ANKFN1: variants seen among roughly 807,000 people sequenced by gnomAD.
ANKFN1 encodes the protein ankyrin repeat and fibronectin type-III domain-containing protein 1.
ANKFN1 carries 74 observed loss-of-function variants against 108.7 expected under a neutral mutation model. The observed-to-expected ratio is 0.68, with a 90% CI of 0.56 to 0.83. ANKFN1 has a LOEUF of 0.83. Among genes scored for constraint, ANKFN1 ranks in the 40% least tolerant of loss-of-function variants. ANKFN1 has a pLI of 0.00. For synonymous variants in ANKFN1, 547 were observed against 516.2 expected, an observed-to-expected ratio of 1.06 and a Z score of -0.81; for missense variants, 1,505 against 1,382.3, an observed-to-expected ratio of 1.09 and a Z score of -1.41.
At chr17:56,173,772 C>T (rs1258439295) in intron 1 of ANKFN1, among the ~76,000 whole-genome samples, 1 of 152,108 alleles carries the variant, frequency 6.6e-6, no homozygotes. Context: ...AGATTTTTGT[C>T]CTTTTAACTT....
At chr17:56,205,376 C>T (rs1598234790) in intron 1 of ANKFN1, among the ~76,000 whole-genome samples, 1 of 152,172 alleles carries the variant, frequency 6.6e-6, no homozygotes, top group South Asian at 2.1e-4. Flanking sequence ...GAGTTGTCAG[C>T]ACTTCTAAAT....
At chr17:56,077,399 C>G (rs1021604533) in intron 4 of ANKFN1, among the ~76,000 whole-genome samples, 1 of 152,174 alleles carries the variant, frequency 6.6e-6, no homozygotes, top group Admixed American at 6.5e-5. Context: ...AAGGAAAATT[C>G]AGCTGCAACC....
intron 1 of ANKFN1, among the ~76,000 whole-genome samples, chr17:56,162,731 C>G (rs1244233138): frequency 6.6e-6 from 1 of 152,150 alleles, no homozygotes; most frequent in Non-Finnish European, 1.5e-5. Flanking sequence ...ATCTATAACA[C>G]TTTTAGTAAA....
chr17:56,348,886 C>A (rs1034982025), intron 4 of ANKFN1, among the ~76,000 whole-genome samples: 2 of 152,088 alleles, frequency 1.3e-5, no homozygotes, highest in East Asian at 1.9e-4. Context: ...GGCATACACC[C>A]AAAGGAATAT....
intron 3 of ANKFN1, chr17:56,323,639 C>T (rs1217011167): frequency 6.6e-6 from 1 of 152,340 alleles, no homozygotes; most frequent in Non-Finnish European, 1.5e-5. Flanking sequence ...AAAGATTAGA[C>T]ATACCAAGAG....
At chr17:56,504,546 G>A (rs1256563447) in intron 20 of ANKFN1, among the ~76,000 whole-genome samples, 1 of 152,152 alleles carries the variant, frequency 6.6e-6, no homozygotes, top group Non-Finnish European at 1.5e-5. Flanking sequence ...TCACCTTGAA[G>A]TATATCTGAT....
chr17:56,055,282 C>A (rs1252062378), intron 4 of ANKFN1, among the ~76,000 whole-genome samples: 1 of 151,646 alleles, frequency 6.6e-6, no homozygotes, highest in Non-Finnish European at 1.5e-5. Context: ...TCCATGTGTA[C>A]CCATTGTTTA....
chr17:56,214,358 C>T (rs1915267909), intron 2 of ANKFN1, among the ~76,000 whole-genome samples: 1 of 152,154 alleles, frequency 6.6e-6, no homozygotes, highest in African/African-American at 2.4e-5. Context: ...AGAAAAGCTT[C>T]GCAGAGGGGC....
At chr17:56,183,306 G>A (rs1911867948) in intron 1 of ANKFN1, among the ~76,000 whole-genome samples, 1 of 152,138 alleles carries the variant, frequency 6.6e-6, no homozygotes, top group African/African-American at 2.4e-5. Flanking sequence ...CATTCTAGAT[G>A]CCATTAAGAA....
At chr17:56,495,566 T>C (rs1026930464) in intron 19 of ANKFN1, among the ~76,000 whole-genome samples, 1 of 151,872 alleles carries the variant, frequency 6.6e-6, no homozygotes, top group Non-Finnish European at 1.5e-5. Context: ...AGCCAAGGAG[T>C]GCGGCCAGAA....
intron 9 of ANKFN1, among the ~76,000 whole-genome samples, chr17:56,442,318 C>A (rs1208843366): frequency 6.6e-6 from 1 of 152,172 alleles, no homozygotes; most frequent in Non-Finnish European, 1.5e-5. Flanking sequence ...TATTTGCTCA[C>A]AGTGAAATGT....
upstream of ANKFN1, among the ~76,000 whole-genome samples, chr17:56,152,266 G>A (rs1310599030): frequency 4.6e-5 from 3 of 65,772 alleles, no homozygotes; most frequent in Non-Finnish European, 8.9e-5. Context: ...ATATATATGT[G>A]TGTGTGTGTG....
At chr17:56,406,913 CATGT>C (rs1263943674) in intron 8 of ANKFN1, among the ~76,000 whole-genome samples, 1 of 152,138 alleles carries the variant, frequency 6.6e-6, no homozygotes, top group Non-Finnish European at 1.5e-5. Context: ...TGCCATGGTT[CATGT>C]ATCCACCTGA....
intron 4 of ANKFN1, among the ~76,000 whole-genome samples, chr17:56,047,351 A>AGGGGGAAATG (rs1904696978): frequency 6.6e-6 from 1 of 151,810 alleles, no homozygotes; most frequent in Non-Finnish European, 1.5e-5. Flanking sequence ...TCTCCAAGAG[A>AGGGGGAAATG]GGGGGAAAGG....
At chr17:56,209,875 T>A (rs1173100230) in intron 1 of ANKFN1, among the ~76,000 whole-genome samples, 1 of 152,156 alleles carries the variant, frequency 6.6e-6, no homozygotes, top group Non-Finnish European at 1.5e-5. Flanking sequence ...ATGCCTCGTG[T>A]CCTCATAGCT....
intron 8 of ANKFN1, among the ~76,000 whole-genome samples, chr17:56,387,649 T>A (rs1420793851): frequency 1.3e-5 from 2 of 152,052 alleles, no homozygotes; most frequent in Non-Finnish European, 2.9e-5. Context: ...AAAGTATGAA[T>A]GTGTGTGTGT....
At chr17:56,153,457 C>A, upstream of ANKFN1, 1 of 1,608,482 alleles carries the variant, frequency 6.2e-7, no homozygotes, top group Non-Finnish European at 8.5e-7. Context: ...AAAGGGGTTT[C>A]CCTCCACCCC....
At chr17:56,381,120 C>T (rs984899407) in intron 8 of ANKFN1, among the ~76,000 whole-genome samples, 3 of 152,172 alleles carry the variant, frequency 2.0e-5, no homozygotes, top group Non-Finnish European at 4.4e-5. Flanking sequence ...CAGCAGCATT[C>T]GCAGTTCACA....
intron 1 of ANKFN1, among the ~76,000 whole-genome samples, chr17:56,199,638 C>G (rs971089896): frequency 6.6e-6 from 1 of 152,148 alleles, no homozygotes; most frequent in Non-Finnish European, 1.5e-5. Flanking sequence ...GAAAAGAGCT[C>G]CCTTTTCTAA....
Sources: allele counts gnomAD v4.1 joint callset (sites outside exome capture counted in the v4.1 genomes callset), GRCh38; gene constraint gnomAD v4.1.1; transcripts MANE v1.5; gene names NCBI Gene and HGNC (gene_info 2026-07-23, HGNC 2026-07-21).